ZNF107: variants seen among roughly 807,000 people sequenced by gnomAD.
The protein encoded by ZNF107 is C2H2 type zinc-finger protein.
A neutral mutation model predicts 12.3 loss-of-function variants in ZNF107; 19 were observed. The observed-to-expected ratio is 1.55, with a 90% CI of 1.08 to 2.27. The LOEUF (loss-of-function observed/expected upper bound fraction) is 2.27, where lower values mean the gene tolerates loss of function less well. Ranked by LOEUF, ZNF107 falls within the 30% of genes most tolerant of loss-of-function variation. ZNF107 has a pLI of 0.00. For missense variants in ZNF107, 958 were observed against 979.9 expected, an observed-to-expected ratio of 0.98 and a Z score of 0.30; for synonymous variants, 317 against 330.5, an observed-to-expected ratio of 0.96 and a Z score of 0.44.
chr7:64,684,257 C>T (rs566514171), intron 1 of ZNF107, among the ~76,000 whole-genome samples: 1 of 152,152 alleles, frequency 6.6e-6, no homozygotes, highest in Non-Finnish European at 1.5e-5. Context: ...TGGGGCCCAA[C>T]CTCATCCCAG....
At chr7:64,673,646 G>A (rs1006037285) in intron 1 of ZNF107, among the ~76,000 whole-genome samples, 1 of 152,144 alleles carries the variant, frequency 6.6e-6, no homozygotes, top group African/African-American at 2.4e-5. Context: ...ATCTCTGTCA[G>A]TTTCTATGTT....
In ZNF107 at chr7:64,691,381, A is replaced by T. The variant is rs1790113600; in HGVS notation, c.130+7A>T. 2.7e-6 allele frequency: 4 copies of T among 1,458,786 alleles called. No individual in the cohort carries two copies. Among genetic ancestry groups the T allele is most frequent in the Non-Finnish European group, 3.6e-6 (4 of 1,104,762 alleles). 90.4% of individuals were successfully genotyped at this position (1,458,786 alleles called of 1,614,324 possible). A position where few individuals can be genotyped will look rare whatever the true frequency, so the allele number is the denominator to read the frequency against. Reference sequence around the variant, plus strand: ...AGAAACCTGGTCTTTTTGGGTGAGGATAACTTCAATACACAATTCCCAAAA... The same window carrying T: ...AGAAACCTGGTCTTTTTGGGTGAGGTTAACTTCAATACACAATTCCCAAAA... On this transcript the variant is annotated splice_region_variant and intron_variant, in intron 2 of 3. Transcript: ENST00000620827.
In ZNF107 at chr7:64,707,788, C is replaced by T; in HGVS notation, c.1691C>T (p.Pro564Leu). 6.2e-7 allele frequency: 1 copy of T among 1,611,534 alleles called. No homozygotes were observed. Among genetic ancestry groups the T allele is most frequent in the Non-Finnish European group, 8.5e-7 (1 of 1,179,286 alleles). Reference sequence around the variant, plus strand: ...AAGAGAATTCATACTGGAGAAAAACCCTATAAATGTGAAGAATGTGGAAAA... The same window carrying T: ...AAGAGAATTCATACTGGAGAAAAACTCTATAAATGTGAAGAATGTGGAAAA... ...KHKRIHTGEK[P>L]YKCEECGKAF... Residue 564 changes from proline to leucine, a missense_variant, in exon 4 of 4, where the codon CCC (proline) becomes CTC (leucine). By Grantham distance (98) the Pro-to-Leu change is moderately conservative. Coordinates refer to ENST00000620827, the MANE Select transcript of ZNF107 (RefSeq NM_001282359.2).
At chr7:64,702,488 A>G (rs1336782477) in intron 3 of ZNF107, among the ~76,000 whole-genome samples, 1 of 151,406 alleles carries the variant, frequency 6.6e-6, no homozygotes, top group African/African-American at 2.4e-5. Context: ...AAACCTCTAT[A>G]TTTTTCAGTT....
intron 1 of ZNF107, chr7:64,687,338 T>C (rs908574718): frequency 1.0e-6 from 1 of 985,464 alleles, no homozygotes; most frequent in South Asian, 4.7e-5. Flanking sequence ...ACTGCACCCA[T>C]TCCCATTATT....
chr7:64,697,727 G>C (rs1021737525), intron 3 of ZNF107, among the ~76,000 whole-genome samples: 1 of 131,246 alleles, frequency 7.6e-6, no homozygotes, highest in Admixed American at 8.1e-5. Context: ...GTCTCGCTTT[G>C]TCACCCAGGC....
chr7:64,683,597 C>T (rs544374348), intron 1 of ZNF107, among the ~76,000 whole-genome samples: 26 of 152,296 alleles, frequency 1.7e-4, no homozygotes, highest in Admixed American at 7.2e-4. Context: ...GCCTCACAAG[C>T]GCAATCTATT....
At chr7:64,675,945 C>T (rs978740608) in intron 1 of ZNF107, among the ~76,000 whole-genome samples, 8 of 152,138 alleles carry the variant, frequency 5.3e-5, no homozygotes, top group Non-Finnish European at 8.8e-5. Flanking sequence ...CTCTGCCTCC[C>T]GGGCTCAAGT....
intron 1 of ZNF107, 57 bp from the exon 2 acceptor site, chr7:64,691,191 A>T (rs1790105738): frequency 7.5e-7 from 1 of 1,338,462 alleles, no homozygotes; most frequent in Non-Finnish European, 9.7e-7. Flanking sequence ...ATTTTTTTAA[A>T]AATTCAATGA....
At chr7:64,703,690 A>G (rs1790547266) in intron 3 of ZNF107, among the ~76,000 whole-genome samples, 1 of 152,104 alleles carries the variant, frequency 6.6e-6, no homozygotes, top group African/African-American at 2.4e-5. Context: ...CAGCCTCGCA[A>G]AGTGCTGGGA....
At chr7:64,679,569 C>T (rs73698903) in intron 1 of ZNF107, among the ~76,000 whole-genome samples, 5,698 of 152,162 alleles carry the variant, frequency 0.037, 360 homozygotes, top group African/African-American at 0.13. Flanking sequence ...GTTTCTCTCT[C>T]CCTGTCTCTC....
intron 1 of ZNF107, among the ~76,000 whole-genome samples, chr7:64,688,848 G>A (rs1010911788): frequency 1.3e-5 from 2 of 152,078 alleles, no homozygotes; most frequent in Admixed American, 6.5e-5. Context: ...TGACACACTG[G>A]ATCCTGTAAC....
chr7:64,708,066 G>T lies in ZNF107; in HGVS notation c.1969G>T (p.Ala657Ser), dbSNP rs368808434. Reference protein sequence around the residue: ...NLYKFEEHGKAFNLFSNITNH... With the variant: ...NLYKFEEHGKSFNLFSNITNH... Reference sequence around the variant, plus strand: ...CTACAAATTTGAAGAACATGGAAAAGCTTTTAACCTATTCTCAAACATTAC... The same window carrying T: ...CTACAAATTTGAAGAACATGGAAAATCTTTTAACCTATTCTCAAACATTAC... The change falls in exon 4 of 4, where the codon GCT (alanine) becomes TCT (serine). Residue 657 changes from alanine (A) to serine (S), a missense_variant. Transcript: ENST00000620827. The T allele has an allele frequency of 2.2e-5, 35 of 1,613,270 alleles. No homozygotes were observed. Among genetic ancestry groups the T allele is most frequent in the Non-Finnish European group, 2.9e-5 (34 of 1,179,688 alleles).
In ZNF107 at chr7:64,707,449, A is replaced by C; in HGVS notation, c.1352A>C (p.Lys451Thr). 6.2e-7 allele frequency: 1 copy of C among 1,613,296 alleles called. No individual in the cohort carries two copies. Among genetic ancestry groups the C allele is most frequent in the Non-Finnish European group, 8.5e-7 (1 of 1,179,640 alleles). The part of the protein sequence containing the change: ...TEHKKIHTAE[K>T]SYKCEECGKA... ...CATAAGAAAATTCATACTGCAGAGA[A>C]ATCCTATAAATGTGAAGAATGTGGC... is the stretch of plus-strand genomic sequence containing the variant. The change falls in exon 4 of 4, where the codon AAA becomes ACA. Residue 451 changes from lysine (K) to threonine (T), a missense_variant. Lys to Thr is a moderately conservative substitution (Grantham distance 78). Coordinates refer to ENST00000620827, the MANE Select transcript of ZNF107 (RefSeq NM_001282359.2).
In ZNF107 at chr7:64,710,000, C is replaced by G. The variant is rs1220721983; in HGVS notation, c.*1344C>G. On this transcript the variant is annotated 3_prime_UTR_variant, in exon 4 of 4. Coordinates refer to ENST00000620827, the MANE Select transcript of ZNF107 (RefSeq NM_001282359.2). ...AAAATTAGCTGCGTGTGGTGGCAGG[C>G]CCCTGTAATCCCAGCTAATTGGGAG... The G allele has an allele frequency of 4.2e-6, 1 of 235,758 alleles. No individual in the cohort carries two copies. The highest frequency in any genetic ancestry group is 8.3e-6 in the Non-Finnish European group (1 of 120,150). 14.6% of individuals were successfully genotyped at this position (235,758 alleles called of 1,614,324 possible).
In ZNF107 at chr7:64,698,436, T is replaced by C. The variant is rs184313914; in HGVS notation, c.226+6476T>C. Among the ~76,000 whole-genome samples, 366 of 152,260 alleles carry C rather than the reference T, an allele frequency of 2.4e-3. 4 individuals are homozygous for C. The highest frequency in any genetic ancestry group is 8.7e-3 in the African/African-American group (362 of 41,558). ...ATAGTTGAATTTTTCTTTTTTTTTT[T>C]TCTTTGAGACTGTCTTGCTCTTGTT... On this transcript the variant is annotated intron_variant, in intron 3 of 3. Transcript: ENST00000620827.
chr7:64,686,892 T>A (rs1789938841), intron 1 of ZNF107: 1 of 985,322 alleles, frequency 1.0e-6, no homozygotes, highest in African/African-American at 1.7e-5. Context: ...TCACACAAAG[T>A]CTGCTTGGGT....
intron 3 of ZNF107, among the ~76,000 whole-genome samples, chr7:64,700,074 A>G (rs2128966104): frequency 6.6e-6 from 1 of 151,754 alleles, no homozygotes; most frequent in East Asian, 1.9e-4. Context: ...AAAAAAAAAA[A>G]AAGAATATTG....
chr7:64,706,488 A>G lies in ZNF107; in HGVS notation c.391A>G (p.Asn131Asp). The change falls in exon 4 of 4, where the codon AAT (asparagine) becomes GAT (aspartate). Residue 131 changes from asparagine (N) to aspartate (D), a missense_variant. Physicochemically the swap from Asn to Asp is conservative, Grantham distance 23. Transcript: ENST00000620827. ...GTGTACGGGGCACAAAGGAGGTCAT[A>G]ATACAGTTAACCAATGTTTGACAGC... ...DECTGHKGGH[N>D]TVNQCLTATP... The G allele has an allele frequency of 6.2e-7, 1 of 1,612,798 alleles. No homozygotes were observed.
Sources: allele counts gnomAD v4.1 joint callset (sites outside exome capture counted in the v4.1 genomes callset), GRCh38; gene constraint gnomAD v4.1.1; transcripts MANE v1.5; gene names NCBI Gene and HGNC (gene_info 2026-07-23, HGNC 2026-07-21).